The following ADGRL2 variants were observed in gnomAD, a reference collection of about 807,000 sequenced individuals.
The protein encoded by ADGRL2 is calcium-independent alpha-latrotoxin receptor 2.
A neutral mutation model predicts 157.4 loss-of-function variants in ADGRL2; 44 were observed. The ratio of observed to expected loss-of-function variants is 0.28; its 90% CI spans 0.22 to 0.36. ADGRL2 has a LOEUF of 0.36. Among genes scored for constraint, ADGRL2 ranks in the 10% least tolerant of loss-of-function variants. ADGRL2 has a pLI of 1.00. For missense variants in ADGRL2, 1,510 were observed against 1,768.9 expected, an observed-to-expected ratio of 0.85 and a Z score of 2.63; for synonymous variants, 585 against 624.7, an observed-to-expected ratio of 0.94 and a Z score of 0.95.
intron 17 of ADGRL2, among the ~76,000 whole-genome samples, chr1:81,975,210 A>T (rs1156558099): frequency 6.6e-6 from 1 of 152,076 alleles, no homozygotes; most frequent in African/African-American, 2.4e-5. Context: ...ATGTACCACA[A>T]TCCTAATAGC....
At chr1:81,625,633 A>C (rs2081894313) in intron 3 of ADGRL2, 1 of 152,062 alleles carries the variant, frequency 6.6e-6, no homozygotes, top group Admixed American at 6.6e-5. Context: ...TCTAGGAAAA[A>C]CCAATTCTTA....
In ADGRL2 at chr1:81,325,567, C is replaced by A. The variant is rs562284589; in HGVS notation, c.-302+19058C>A. ...AGCAGCTATTGGCTATTTACCAAAACATGCACACTTTCTCTCCCAGGTAAA... is the reference window on the plus strand; with the variant it reads ...AGCAGCTATTGGCTATTTACCAAAAAATGCACACTTTCTCTCCCAGGTAAA... On this transcript the variant is annotated intron_variant, in intron 1 of 24. Coordinates refer to the ADGRL2 transcript ENST00000370721. Among the ~76,000 whole-genome samples, 21 of 152,328 alleles carry A rather than the reference C, an allele frequency of 1.4e-4. No individual in the cohort carries two copies. In the East Asian group the frequency reaches 3.9e-3, roughly 28 times the overall value.
chr1:81,952,057 T>C lies in ADGRL2; in HGVS notation c.1709T>C (p.Met570Thr), dbSNP rs149537195. The C allele has an allele frequency of 2.6e-5, 42 of 1,613,652 alleles. No homozygotes were observed. The highest frequency in any genetic ancestry group is 3.1e-5 in the Non-Finnish European group (37 of 1,179,728). Reference sequence around the variant, plus strand: ...GATGTAAGTTCTTCAGTGAGATTGATGGAGCAGTTGGTGGACATCCTTGAT... The same window carrying C: ...GATGTAAGTTCTTCAGTGAGATTGACGGAGCAGTTGGTGGACATCCTTGAT... ...AGDVSSSVRLMEQLVDILDAQ... is the reference protein window; with the variant it reads ...AGDVSSSVRLTEQLVDILDAQ... The change falls in exon 9 of 24, where the codon ATG becomes ACG. Residue 570 changes from methionine to threonine, a missense_variant. Met to Thr is a moderately conservative substitution (Grantham distance 81, BLOSUM62 -1). This residue lies in a region of ADGRL2 where 325 missense variants were observed against 333.2 expected (regional missense o/e 0.98). Coordinates refer to ENST00000686636, the MANE Select transcript of ADGRL2 (RefSeq NM_001366006.2).
intron 1 of ADGRL2, among the ~76,000 whole-genome samples, chr1:81,724,693 A>C (rs2084453034): frequency 6.6e-6 from 1 of 152,234 alleles, no homozygotes; most frequent in Non-Finnish European, 1.5e-5. Flanking sequence ...AAACATTTTC[A>C]TGGGATAAGA....
At chr1:81,739,427 C>G (rs9726275) in intron 1 of ADGRL2, among the ~76,000 whole-genome samples, 27,833 of 152,106 alleles carry the variant, frequency 0.18, 2,729 homozygotes, top group South Asian at 0.25. Context: ...ACCCTTGGGC[C>G]CATTTCCTCT....
At chr1:81,351,443 A>G (rs1662879025) in intron 1 of ADGRL2, among the ~76,000 whole-genome samples, 1 of 152,154 alleles carries the variant, frequency 6.6e-6, no homozygotes, top group African/African-American at 2.4e-5. Context: ...TGATTCTAGA[A>G]TCTCTTACAT....
At chr1:81,861,474 G>A (rs12139220) in intron 2 of ADGRL2, among the ~76,000 whole-genome samples, 11,959 of 152,218 alleles carry the variant, frequency 0.079, 545 homozygotes, top group South Asian at 0.16. Flanking sequence ...GGTTCCATAT[G>A]TTCCATATGT....
At position 81,452,073 on chromosome 1, in the gene ADGRL2, C is replaced by T. The variant is rs140508252; in HGVS notation, c.-248+6984C>T. The stretch of plus-strand genomic sequence containing the variant: ...AGGCATCTAGCCCTTGCCTCCCCAC[C>T]TCCACCCCAGCTTATTTTAACAAGA... On this transcript the variant is annotated intron_variant, in intron 2 of 24. Transcript: ENST00000370721. 9.0e-3 allele frequency among the ~76,000 whole-genome samples: 1,364 copies of T among 152,220 alleles called. 9 individuals carry two copies. Among genetic ancestry groups the T allele is most frequent in the Middle Eastern group, 0.02 (6 of 294 alleles).
intron 1 of ADGRL2, among the ~76,000 whole-genome samples, chr1:81,318,217 G>C (rs183282813): frequency 2.6e-5 from 4 of 152,028 alleles, no homozygotes; most frequent in African/African-American, 9.7e-5. Flanking sequence ...AAATACACCT[G>C]TACAGCTGAA....
rs749691144 is a variant in ADGRL2 at position 81,907,183 on chromosome 1, G to T, written c.240G>T (p.Glu80Asp). 8 of 1,613,970 alleles carry T rather than the reference G, an allele frequency of 5.0e-6. No homozygotes were observed. The African/African-American group carries it at 9.3e-5, about 19-fold the overall frequency. The change falls in exon 3 of 24, where the codon GAG becomes GAT. Residue 80 changes from glutamate to aspartate, a missense_variant. By Grantham distance (45) the Glu-to-Asp change is conservative. Coordinates refer to ENST00000686636, the MANE Select transcript of ADGRL2 (RefSeq NM_001366006.2). ...KICDADPFQMENTDCYLPDAF... is the reference protein window; with the variant it reads ...KICDADPFQMDNTDCYLPDAF... ...GTGATGCTGACCCATTTCAGATGGAGAATACAGACTGCTACCTCCCCGATG... is the reference window on the plus strand; with the variant it reads ...GTGATGCTGACCCATTTCAGATGGATAATACAGACTGCTACCTCCCCGATG...
At chr1:81,803,609 A>G (rs2088653161) in intron 1 of ADGRL2, among the ~76,000 whole-genome samples, 1 of 151,530 alleles carries the variant, frequency 6.6e-6, no homozygotes, top group Admixed American at 6.6e-5. Flanking sequence ...TCAGATTCCG[A>G]CCGAGGGAAT....
intron 2 of ADGRL2, among the ~76,000 whole-genome samples, chr1:81,528,127 C>T (rs2079509579): frequency 6.6e-6 from 1 of 152,146 alleles, no homozygotes; most frequent in Admixed American, 6.6e-5. Flanking sequence ...CCTTACCAGA[C>T]AACAAATTCG....
chr1:81,557,301 A>G (rs999298620), intron 2 of ADGRL2: 3 of 196,634 alleles, frequency 1.5e-5, no homozygotes, highest in African/African-American at 7.0e-5. Flanking sequence ...CTCATTCCTT[A>G]GTTTTGAGAC....
At chr1:81,428,481 T>C (rs1262734471) in intron 1 of ADGRL2, among the ~76,000 whole-genome samples, 1 of 151,822 alleles carries the variant, frequency 6.6e-6, no homozygotes. Context: ...GGAGAAGAGG[T>C]GTACACATTT....
intron 1 of ADGRL2, among the ~76,000 whole-genome samples, chr1:81,376,291 T>A (rs1420244516): frequency 6.6e-6 from 1 of 152,192 alleles, no homozygotes; most frequent in East Asian, 1.9e-4. Context: ...TTTCACACTT[T>A]TCCAGAGCTG....
intron 1 of ADGRL2, among the ~76,000 whole-genome samples, chr1:81,393,672 A>G (rs2076599928): frequency 6.6e-6 from 1 of 152,174 alleles, no homozygotes; most frequent in African/African-American, 2.4e-5. Flanking sequence ...CCCCTATACG[A>G]TCACCTAGCC....
At chr1:81,726,647 A>G (rs2149156436) in intron 1 of ADGRL2, among the ~76,000 whole-genome samples, 1 of 152,354 alleles carries the variant, frequency 6.6e-6, no homozygotes, top group Non-Finnish European at 1.5e-5. Flanking sequence ...TGGGAAATAT[A>G]GATGCCAAGG....
At chr1:81,485,348 C>G (rs1316922885) in intron 2 of ADGRL2, among the ~76,000 whole-genome samples, 6 of 151,992 alleles carry the variant, frequency 3.9e-5, no homozygotes, top group Non-Finnish European at 2.9e-5. Flanking sequence ...AATAAAAAGC[C>G]TAGAGTCTCC....
intron 1 of ADGRL2, among the ~76,000 whole-genome samples, chr1:81,377,660 C>T (rs1018869700): frequency 1.3e-5 from 2 of 151,992 alleles, no homozygotes; most frequent in African/African-American, 4.8e-5. Context: ...TAGGTTTCCT[C>T]TTTGTGTGAC....
Sources: gnomAD v4.1 joint callset for allele counts (sites outside exome capture counted in the v4.1 genomes callset) on GRCh38, gnomAD v4.1.1 for gene constraint, gnomAD v4.1.1 regional missense constraint, MANE v1.5 for transcripts, NCBI Gene and HGNC (gene_info 2026-07-23, HGNC 2026-07-21) for gene names.